FBXL13: variants seen among roughly 807,000 people sequenced by gnomAD.
FBXL13 encodes the protein F-box and leucine rich repeat protein 13, also known as F-box and leucine-rich repeat protein 13.
A neutral mutation model predicts 83.6 loss-of-function variants in FBXL13; 67 were observed. The observed-to-expected ratio is 0.80, with a 90% CI of 0.66 to 0.98. The LOEUF is 0.98. FBXL13 is among the 50% of genes least tolerant of loss of function. FBXL13 has a pLI of 0.00. For synonymous variants in FBXL13, 272 were observed against 299.5 expected (o/e 0.91, Z 0.95); for missense variants, 822 against 866.5 (o/e 0.95, Z 0.64).
At chr7:102,989,467 C>CCT (rs140934869) in intron 6 of FBXL13, among the ~76,000 whole-genome samples, 1 of 151,860 alleles carries the variant, frequency 6.6e-6, no homozygotes, top group Non-Finnish European at 1.5e-5. Flanking sequence ...ACACTCTGGG[C>CCT]CTCTCTCTCT....
chr7:102,999,859 T>C (rs2129485466), intron 6 of FBXL13, among the ~76,000 whole-genome samples: 1 of 152,326 alleles, frequency 6.6e-6, no homozygotes, highest in Admixed American at 6.5e-5. Flanking sequence ...TTTTATTGTG[T>C]TGATCATTTG....
chr7:102,964,400 A>ATT (rs1442338572), intron 7 of FBXL13, among the ~76,000 whole-genome samples: 1 of 135,496 alleles, frequency 7.4e-6, no homozygotes, highest in South Asian at 2.2e-4. Flanking sequence ...CTATATATAT[A>ATT]TATATTTTTT....
At chr7:102,918,340 G>A (rs2129469938) in intron 10 of FBXL13, among the ~76,000 whole-genome samples, 1 of 152,136 alleles carries the variant, frequency 6.6e-6, no homozygotes, top group East Asian at 1.9e-4. Flanking sequence ...TTCTTATTTT[G>A]GGTCCTACTT....
intron 2 of FBXL13, among the ~76,000 whole-genome samples, chr7:103,037,547 A>C (rs116118057): frequency 6.6e-6 from 1 of 152,070 alleles, no homozygotes; most frequent in African/African-American, 2.4e-5. Flanking sequence ...GGTCACGCCT[A>C]TAATCCTAGC....
At chr7:102,907,589 C>T (rs1041918626) in intron 11 of FBXL13, among the ~76,000 whole-genome samples, 1 of 151,718 alleles carries the variant, frequency 6.6e-6, no homozygotes, top group Non-Finnish European at 1.5e-5. Flanking sequence ...TCTGTCCTTG[C>T]GATAGTTTGC....
At chr7:103,042,065 T>C (rs973714586) in intron 2 of FBXL13, among the ~76,000 whole-genome samples, 4 of 152,160 alleles carry the variant, frequency 2.6e-5, no homozygotes, top group African/African-American at 9.7e-5. Flanking sequence ...ACTGTATATT[T>C]AGAAAAACCC....
intron 7 of FBXL13, among the ~76,000 whole-genome samples, chr7:102,964,383 T>G (rs1825740733): frequency 6.9e-6 from 1 of 145,542 alleles, no homozygotes; most frequent in Admixed American, 6.9e-5. Context: ...TCCACACAAT[T>G]TTGTGACTAT....
At position 103,056,350 on chromosome 7, in the gene FBXL13, T is replaced by G. The variant is rs117067675; in HGVS notation, c.-104-603A>C. Among the ~76,000 whole-genome samples, 1,658 of 152,300 alleles carry G rather than the reference T, an allele frequency of 0.011. 95 individuals are homozygous for G. The East Asian group carries it at 0.17, about 15-fold the overall frequency. On this transcript the variant is annotated intron_variant, in intron 1 of 19. Transcript: ENST00000313221. The stretch of plus-strand genomic sequence containing the variant: ...TGTGTGTGCAAGTATCTTTTTCATA[T>G]AATAACTTATTTTCCTCTGGGTAGA...
chr7:102,958,225 T>C (rs1191930555), intron 8 of FBXL13, among the ~76,000 whole-genome samples: 1 of 152,126 alleles, frequency 6.6e-6, no homozygotes, highest in Non-Finnish European at 1.5e-5. Flanking sequence ...GATGAGTGCA[T>C]GTCCTTTGCA....
chr7:102,933,999 G>C, intron 8 of FBXL13: 1 of 1,614,124 alleles, frequency 6.2e-7, no homozygotes, highest in South Asian at 1.1e-5. Context: ...GTGAGAAGCC[G>C]AGTGAATCAT....
intron 16 of FBXL13, among the ~76,000 whole-genome samples, chr7:102,860,603 C>T (rs973003188): frequency 1.3e-5 from 2 of 152,150 alleles, no homozygotes; most frequent in African/African-American, 2.4e-5. Context: ...ACTTTCCCCA[C>T]ACTTTTTCAT....
rs759573582 is a variant in FBXL13, at chr7:102,854,876, A to G, written c.1636-16T>C. On this transcript the variant is annotated splice_polypyrimidine_tract_variant and intron_variant, in intron 16 of 19. Transcript: ENST00000313221. ...CATTCAAACCCTAAAAATATTTAAT[A>G]TAAAGATCATTTTGTGATTATCATT... 5 of 1,398,606 alleles carry G rather than the reference A, an allele frequency of 3.6e-6. No homozygotes were observed. The highest frequency in any genetic ancestry group is 5.0e-6 in the Non-Finnish European group (5 of 1,002,518). The allele number at this position is 1,398,606 out of a possible 1,614,324, so 86.6% of individuals were successfully genotyped here. A position where few individuals can be genotyped will look rare whatever the true frequency, so the allele number is the denominator to read the frequency against.
intron 9 of FBXL13, among the ~76,000 whole-genome samples, chr7:102,931,171 C>T (rs1220692758): frequency 6.6e-6 from 1 of 152,136 alleles, no homozygotes; most frequent in African/African-American, 2.4e-5. Flanking sequence ...AAGCAAAGAG[C>T]AAATGCACAA....
intron 1 of FBXL13, among the ~76,000 whole-genome samples, chr7:103,060,085 A>G (rs1464444875): frequency 1.8e-5 from 2 of 109,044 alleles, no homozygotes; most frequent in African/African-American, 6.9e-5. Flanking sequence ...TTTTTGAGAC[A>G]AGGTCTTGCT....
Position 102,983,462 on chromosome 7 carries a change from C to G in FBXL13, c.496-15345G>C, listed in dbSNP as rs367710323. 2.7e-5 allele frequency among the ~76,000 whole-genome samples: 4 copies of G among 147,700 alleles called. No individual in the cohort carries two copies. In the East Asian group the frequency reaches 7.8e-4, roughly 29 times the overall value. ...TTGAGTGGGGTCTCGTTCTGTCACCCAGGCTGGAGTGCAGTGGTGTGATAT... is the reference window on the plus strand; with the variant it reads ...TTGAGTGGGGTCTCGTTCTGTCACCGAGGCTGGAGTGCAGTGGTGTGATAT... On this transcript the variant is annotated intron_variant, in intron 6 of 19. Coordinates refer to ENST00000313221, the Ensembl canonical transcript of FBXL13.
At chr7:102,994,451 T>C (rs527510795) in intron 6 of FBXL13, among the ~76,000 whole-genome samples, 63 of 151,862 alleles carry the variant, frequency 4.1e-4, no homozygotes, top group African/African-American at 1.5e-3. Flanking sequence ...ATAGAGGCTA[T>C]AAGCTTAGCC....
At chr7:102,992,189 A>C (rs940980566) in intron 6 of FBXL13, among the ~76,000 whole-genome samples, 4 of 152,174 alleles carry the variant, frequency 2.6e-5, no homozygotes, top group Non-Finnish European at 4.4e-5. Context: ...CAGCTTTATA[A>C]GTCTGCCATC....
At chr7:103,031,755 G>A (rs967048340) in intron 2 of FBXL13, among the ~76,000 whole-genome samples, 12 of 152,192 alleles carry the variant, frequency 7.9e-5, no homozygotes, top group African/African-American at 2.9e-4. Flanking sequence ...GTTAAAGAGT[G>A]GGAATGTGTA....
At chr7:102,851,890 G>A (rs192913927) in intron 17 of FBXL13, among the ~76,000 whole-genome samples, 1 of 152,212 alleles carries the variant, frequency 6.6e-6, no homozygotes, top group East Asian at 1.9e-4. Flanking sequence ...CGCTCTTGAA[G>A]AATCAATTGA....
Sources: gnomAD v4.1 joint callset for allele counts (sites outside exome capture counted in the v4.1 genomes callset) on GRCh38, gnomAD v4.1.1 for gene constraint, MANE v1.5 for transcripts, NCBI Gene and HGNC (gene_info 2026-07-23, HGNC 2026-07-21) for gene names.